The following ZFHX3 variants were observed in gnomAD, a reference collection of about 807,000 sequenced individuals.
ZFHX3 encodes zinc finger homeobox 3.
A neutral mutation model predicts 279.1 loss-of-function variants in ZFHX3; 42 were observed. The ratio of observed to expected loss-of-function variants is 0.15; its 90% CI spans 0.12 to 0.19. The LOEUF (loss-of-function observed/expected upper bound fraction) is 0.19. ZFHX3 is among the 10% of genes least tolerant of loss of function. ZFHX3 has a pLI of 1.00. For missense variants in ZFHX3, 4,981 were observed against 4,754.0 expected (o/e 1.05, Z -1.40); for synonymous variants, 2,293 against 1,957.8 (o/e 1.17, Z -4.52).
chr16:73,160,736 G>A (rs143279068), intron 5 of ZFHX3, among the ~76,000 whole-genome samples: 28 of 151,378 alleles, frequency 1.8e-4, no homozygotes, highest in Admixed American at 1.2e-3. Flanking sequence ...ATCCTGTCAC[G>A]GCATGCTTAT....
At chr16:73,549,041 G>A (rs1339476439) in intron 2 of ZFHX3, among the ~76,000 whole-genome samples, 2 of 152,088 alleles carry the variant, frequency 1.3e-5, no homozygotes, top group Middle Eastern at 3.2e-3. Flanking sequence ...AATTACAAAA[G>A]GGACATTTAG....
At chr16:73,472,840 C>T (rs1464636597) in intron 2 of ZFHX3, among the ~76,000 whole-genome samples, 1 of 152,138 alleles carries the variant, frequency 6.6e-6, no homozygotes, top group African/African-American at 2.4e-5. Flanking sequence ...CAGGTCTCGC[C>T]CAGCCCAGAA....
intron 4 of ZFHX3, among the ~76,000 whole-genome samples, chr16:73,278,291 G>C (rs1469566267): frequency 6.6e-6 from 1 of 152,200 alleles, no homozygotes; most frequent in Non-Finnish European, 1.5e-5. Context: ...TTTATCATTA[G>C]AGTCTCAGAC....
At chr16:73,370,706 C>G (rs922276472) in intron 3 of ZFHX3, among the ~76,000 whole-genome samples, 1 of 152,208 alleles carries the variant, frequency 6.6e-6, no homozygotes, top group African/African-American at 2.4e-5. Context: ...GTGCCATGCA[C>G]AGCTCAGCAT....
At chr16:73,698,858 T>A (rs528301197) in intron 1 of ZFHX3, among the ~76,000 whole-genome samples, 9 of 96,964 alleles carry the variant, frequency 9.3e-5, no homozygotes, top group African/African-American at 3.8e-4. Context: ...TCAAATACAG[T>A]TTTATTTTTG....
chr16:73,586,050 TAGAC>T (rs557045177), intron 2 of ZFHX3, among the ~76,000 whole-genome samples: 87 of 151,822 alleles, frequency 5.7e-4, no homozygotes, highest in African/African-American at 1.9e-3. Context: ...ACTAAGAAAA[TAGAC>T]AGGGACTACA....
chr16:72,979,989 G>A (rs1962516488), intron 1 of ZFHX3, among the ~76,000 whole-genome samples: 1 of 152,234 alleles, frequency 6.6e-6, no homozygotes, highest in Non-Finnish European at 1.5e-5. Flanking sequence ...TGCTGAGAAT[G>A]GGATAAGACT....
At chr16:73,149,897 C>G (rs144936927) in intron 5 of ZFHX3, among the ~76,000 whole-genome samples, 1 of 152,084 alleles carries the variant, frequency 6.6e-6, no homozygotes, top group Non-Finnish European at 1.5e-5. Flanking sequence ...GTAGTCAGAC[C>G]GCTTTGGAGG....
chr16:73,873,200 TGGTGGGTGGTAGTGGGTGG>T (rs1368476533), intron 1 of ZFHX3, among the ~76,000 whole-genome samples: 78 of 63,636 alleles, frequency 1.2e-3, no homozygotes, highest in South Asian at 1.7e-3. Flanking sequence ...TGGTGGGTGG[TGGTGGGTGGTAGTGGGTGG>T]TGGGTGGTGG....
intron 3 of ZFHX3, among the ~76,000 whole-genome samples, chr16:73,334,810 C>CCTTTTTTTTTTTTTTTTTTTTT (rs1555510772): frequency 6.9e-5 from 4 of 57,858 alleles, no homozygotes; most frequent in East Asian, 4.1e-4. Flanking sequence ...CTTTCTCATT[C>CCTTTTTTTTTTTTTTTTTTTTT]TTTTTTTTTT....
intron 1 of ZFHX3, among the ~76,000 whole-genome samples, chr16:73,027,969 C>T (rs62055065): frequency 0.071 from 10,737 of 152,168 alleles, 446 homozygotes; most frequent in Non-Finnish European, 0.093. Flanking sequence ...TTCACAGAGC[C>T]GGGCCTTCCC....
intron 2 of ZFHX3, among the ~76,000 whole-genome samples, chr16:73,552,687 G>A (rs2020219309): frequency 6.6e-6 from 1 of 151,868 alleles, no homozygotes; most frequent in South Asian, 2.1e-4. Flanking sequence ...TGTTCTCAGA[G>A]GACATGAGTG....
intron 5 of ZFHX3, among the ~76,000 whole-genome samples, chr16:73,245,444 A>G (rs919220441): frequency 6.6e-6 from 1 of 152,034 alleles, no homozygotes; most frequent in Non-Finnish European, 1.5e-5. Flanking sequence ...CCACATTCCA[A>G]ATTTTCAACA....
rs7184235 is a variant in ZFHX3, at chr16:72,905,578, G to A, written c.3217-15616C>T. Among the ~76,000 whole-genome samples the A allele has an allele frequency of 9.6e-3, 1,462 of 152,200 alleles. 26 individuals are homozygous for A. The highest frequency in any genetic ancestry group is 0.03 in the African/African-American group (1,248 of 41,520). ...AAGAAAGGAAGAGGGAGTACACTCC[G>A]CAGATGCCTCCCAGGGGGAGTAACT... On this transcript the variant is annotated intron_variant, in intron 3 of 9. Coordinates refer to ENST00000268489, the MANE Select transcript of ZFHX3 (RefSeq NM_006885.4).
chr16:73,797,624 G>C (rs185235097), intron 1 of ZFHX3, among the ~76,000 whole-genome samples: 2 of 126,080 alleles, frequency 1.6e-5, no homozygotes, highest in Non-Finnish European at 3.5e-5. Context: ...CCACGGTAGA[G>C]GCAGGGGCTG....
chr16:72,969,817 A>G (rs76290836), intron 1 of ZFHX3, among the ~76,000 whole-genome samples: 3,751 of 152,256 alleles, frequency 0.025, 155 homozygotes, highest in African/African-American at 0.086. Flanking sequence ...ACAGAAGTCA[A>G]TATGTGTTAA....
intron 1 of ZFHX3, among the ~76,000 whole-genome samples, chr16:73,846,849 C>G (rs961582927): frequency 2.6e-5 from 4 of 152,146 alleles, no homozygotes; most frequent in Admixed American, 6.5e-5. Flanking sequence ...GTTCCTACAC[C>G]CCCATAAAAG....
chr16:73,733,189 C>A (rs1289493290), intron 1 of ZFHX3, among the ~76,000 whole-genome samples: 2 of 152,106 alleles, frequency 1.3e-5, no homozygotes, highest in African/African-American at 2.4e-5. Flanking sequence ...CATTTACTAT[C>A]CACCATGGAG....
At chr16:72,870,818 T>C (rs983664989) in intron 4 of ZFHX3, among the ~76,000 whole-genome samples, 2 of 152,196 alleles carry the variant, frequency 1.3e-5, no homozygotes, top group East Asian at 1.9e-4. Flanking sequence ...TTAGGAAAAT[T>C]TGAATAAGGA....
Sources: gnomAD v4.1 joint callset for allele counts (sites outside exome capture counted in the v4.1 genomes callset) on GRCh38, gnomAD v4.1.1 for gene constraint, MANE v1.5 for transcripts, NCBI Gene and HGNC (gene_info 2026-07-23, HGNC 2026-07-21) for gene names.